The following MDGA2 variants were observed in gnomAD, a reference collection of about 807,000 sequenced individuals.
MDGA2 encodes the protein MAM domain containing glycosylphosphatidylinositol anchor 2.
A neutral mutation model predicts 117.8 loss-of-function variants in MDGA2; 40 were observed. That is an observed-to-expected ratio of 0.34 (90% CI 0.26 to 0.44). MDGA2 has a LOEUF of 0.44. Among genes scored for constraint, MDGA2 ranks in the 20% least tolerant of loss-of-function variants. The pLI, the probability that MDGA2 is intolerant of heterozygous loss-of-function variation, is 1.00. For missense variants in MDGA2, 1,123 were observed against 1,250.6 expected, an observed-to-expected ratio of 0.90 and a Z score of 1.54; for synonymous variants, 452 against 439.0, an observed-to-expected ratio of 1.03 and a Z score of -0.37.
chr14:47,428,388 G>A (rs1267735947), intron 1 of MDGA2, among the ~76,000 whole-genome samples: 1 of 152,050 alleles, frequency 6.6e-6, no homozygotes, highest in Non-Finnish European at 1.5e-5. Flanking sequence ...TAGTACAGAT[G>A]TTTTTATAGT....
intron 1 of MDGA2, among the ~76,000 whole-genome samples, chr14:47,668,004 C>T (rs534728413): frequency 6.6e-6 from 1 of 152,196 alleles, no homozygotes; most frequent in African/African-American, 2.4e-5. Context: ...TTCATCATAC[C>T]ATAATATGTA....
chr14:47,001,524 T>C (rs903925446), intron 8 of MDGA2, among the ~76,000 whole-genome samples: 1 of 152,148 alleles, frequency 6.6e-6, no homozygotes. Flanking sequence ...GTAACCAGGA[T>C]ACATGCATAT....
At chr14:47,062,747 CAGTT>C (rs1430030767) in intron 6 of MDGA2, among the ~76,000 whole-genome samples, 4 of 151,916 alleles carry the variant, frequency 2.6e-5, no homozygotes, top group South Asian at 2.1e-4. Context: ...ATATTTTTGT[CAGTT>C]AGTCCAATAA....
intron 1 of MDGA2, among the ~76,000 whole-genome samples, chr14:47,568,115 G>A (rs1171848062): frequency 6.6e-6 from 1 of 152,058 alleles, no homozygotes; most frequent in African/African-American, 2.4e-5. Context: ...TTATGACACA[G>A]CGAGGTTATT....
chr14:46,924,554 G>A (rs1884253833), intron 9 of MDGA2, among the ~76,000 whole-genome samples: 1 of 151,758 alleles, frequency 6.6e-6, no homozygotes, highest in Admixed American at 6.6e-5. Context: ...GCAAATTTAG[G>A]GATATCTATC....
At chr14:47,094,033 A>G (rs555476879) in intron 6 of MDGA2, among the ~76,000 whole-genome samples, 18 of 152,220 alleles carry the variant, frequency 1.2e-4, no homozygotes, top group African/African-American at 4.3e-4. Context: ...TGATGTAATA[A>G]AGAGAAAACT....
intron 1 of MDGA2, among the ~76,000 whole-genome samples, chr14:47,584,804 A>T (rs1359647884): frequency 6.6e-6 from 1 of 151,770 alleles, no homozygotes; most frequent in African/African-American, 2.4e-5. Context: ...ACATCCCATT[A>T]ATACCCCACA....
intron 2 of MDGA2, among the ~76,000 whole-genome samples, chr14:47,295,712 T>C (rs1421444872): frequency 1.3e-5 from 2 of 152,108 alleles, no homozygotes; most frequent in African/African-American, 4.8e-5. Context: ...GAGACCAGCC[T>C]GGCCTACATG....
chr14:46,990,390 A>G (rs983299794), intron 8 of MDGA2, among the ~76,000 whole-genome samples: 18 of 152,072 alleles, frequency 1.2e-4, no homozygotes, highest in African/African-American at 4.3e-4. Flanking sequence ...AATGAAAACT[A>G]AAATCTTCAT....
chr14:47,358,725 TAATA>T (rs1891048754), intron 1 of MDGA2, among the ~76,000 whole-genome samples: 1 of 152,104 alleles, frequency 6.6e-6, no homozygotes, highest in African/African-American at 2.4e-5. Context: ...GCATTAGAAA[TAATA>T]AACTACTTAG....
intron 3 of MDGA2, among the ~76,000 whole-genome samples, chr14:47,175,246 G>C (rs796070743): frequency 0.014 from 2,125 of 149,668 alleles, 55 homozygotes; most frequent in African/African-American, 0.049. Context: ...ACCATTCCTT[G>C]TGAAACTATT....
rs529718450 is a variant in MDGA2 at position 47,608,117 on chromosome 14, AAC to A, written c.280+66398_280+66399del. Among the ~76,000 whole-genome samples the A allele has an allele frequency of 1.3e-4, 20 of 152,314 alleles. No homozygotes were observed. In the East Asian group the frequency reaches 3.7e-3, roughly 28 times the overall value. On this transcript the variant is annotated intron_variant, in intron 1 of 16. Coordinates refer to ENST00000399232, the MANE Select transcript of MDGA2 (RefSeq NM_001113498.3). ...AGACATAATGTAAGCCCAATAAAAT[AAC>A]AGTTTAATCTCCATTGAGTAATACC...
rs1473757845 is a variant in MDGA2 at position 46,840,417 on chromosome 14, C to A, written c.*1514G>T. On this transcript the variant is annotated 3_prime_UTR_variant, in exon 17 of 17. Transcript: ENST00000399232. ...AAAATGATCTTCAAATTTTCATAACCAACAGGTTTAAGTGAAATTTACAAT... is the reference window on the plus strand; with the variant it reads ...AAAATGATCTTCAAATTTTCATAACAAACAGGTTTAAGTGAAATTTACAAT... The A allele has an allele frequency of 6.6e-6, 1 of 152,196 alleles. No individual in the cohort carries two copies. Among genetic ancestry groups the A allele is most frequent in the Non-Finnish European group, 1.5e-5 (1 of 67,950 alleles). The allele number at this position is 152,196 out of a possible 1,614,324, so 9.4% of individuals were successfully genotyped here.
rs576109105 is a variant in MDGA2 at position 46,916,404 on chromosome 14, A to T, written c.2238+3608T>A. Among the ~76,000 whole-genome samples the T allele has an allele frequency of 7.2e-5, 11 of 152,166 alleles. No homozygotes were observed. In the East Asian group the frequency reaches 1.9e-3, roughly 27 times the overall value. Reference sequence around the variant, plus strand: ...CCATCTCCAAAAAGGTAATGTTTGCAATAAATTCCTTTAGAATGTAAAAAA... The same window carrying T: ...CCATCTCCAAAAAGGTAATGTTTGCTATAAATTCCTTTAGAATGTAAAAAA... On this transcript the variant is annotated intron_variant, in intron 10 of 16. Coordinates refer to ENST00000399232, the MANE Select transcript of MDGA2 (RefSeq NM_001113498.3).
intron 8 of MDGA2, among the ~76,000 whole-genome samples, chr14:46,974,726 C>T (rs1218644614): frequency 6.6e-6 from 1 of 151,916 alleles, no homozygotes; most frequent in Non-Finnish European, 1.5e-5. Context: ...TAAAATGGGT[C>T]AAAGGCCTAA....
At chr14:47,040,114 T>G (rs888951251) in intron 7 of MDGA2, among the ~76,000 whole-genome samples, 2 of 152,160 alleles carry the variant, frequency 1.3e-5, no homozygotes, top group African/African-American at 4.8e-5. Context: ...TGCTCTGTCT[T>G]TACATTGTTA....
intron 15 of MDGA2, among the ~76,000 whole-genome samples, chr14:46,846,683 T>C (rs899054738): frequency 6.6e-6 from 1 of 152,166 alleles, no homozygotes; most frequent in African/African-American, 2.4e-5. Flanking sequence ...TTTTAGAATT[T>C]TCTTTATGGC....
intron 1 of MDGA2, among the ~76,000 whole-genome samples, chr14:47,314,987 G>A (rs1889760477): frequency 6.6e-6 from 1 of 152,068 alleles, no homozygotes; most frequent in Admixed American, 6.6e-5. Context: ...TAACTAGAAT[G>A]TTAACAATGA....
At chr14:46,857,883 G>C (rs1033091638) in intron 14 of MDGA2, among the ~76,000 whole-genome samples, 1 of 152,004 alleles carries the variant, frequency 6.6e-6, no homozygotes, top group South Asian at 2.1e-4. Context: ...CTCCAACTGA[G>C]TTCAAGCAAT....
Sources: gnomAD v4.1 joint callset for allele counts (sites outside exome capture counted in the v4.1 genomes callset) on GRCh38, gnomAD v4.1.1 for gene constraint, MANE v1.5 for transcripts, NCBI Gene and HGNC (gene_info 2026-07-23, HGNC 2026-07-21) for gene names.